CHST3: variants seen among roughly 807,000 people sequenced by gnomAD.
The protein encoded by CHST3 is C6ST-1.
Under a neutral mutation model 35.4 loss-of-function variants are expected in CHST3, and 20 were observed. The observed-to-expected ratio is 0.57, with a 90% CI of 0.40 to 0.82. CHST3 has a LOEUF of 0.82. Ranked by LOEUF, CHST3 falls within the 40% of genes least tolerant of loss-of-function variation. CHST3 has a pLI of 0.00. For missense variants in CHST3, 693 were observed against 670.1 expected (o/e 1.03, Z -0.38); for synonymous variants, 334 against 295.9 (o/e 1.13, Z -1.32).
chr10:72,008,604 G>A lies in CHST3; in HGVS notation c.*133G>A, dbSNP rs1298698322. On this transcript the variant is annotated 3_prime_UTR_variant, in exon 3 of 3. Coordinates refer to ENST00000373115, the MANE Select transcript of CHST3 (RefSeq NM_004273.5). ...TGTAGCAGTAGGGCCCCCAGCCAGC[G>A]CTCCAGCCAAAGCGGCGGCCCCAGG... The A allele has an allele frequency of 7.0e-7, 1 of 1,427,930 alleles. No individual in the cohort carries two copies. The highest frequency in any genetic ancestry group is 9.1e-7 in the Non-Finnish European group (1 of 1,093,804). 88.5% of individuals were successfully genotyped at this position (1,427,930 alleles called of 1,614,324 possible).
chr10:71,994,063 A>G (rs1251472754), intron 1 of CHST3, among the ~76,000 whole-genome samples: 1 of 151,842 alleles, frequency 6.6e-6, no homozygotes, highest in Non-Finnish European at 1.5e-5. Flanking sequence ...TCACGCCACT[A>G]TACTCCAGCC....
Position 71,968,907 on chromosome 10 carries a change from G to A in CHST3, c.-108+4213G>A, listed in dbSNP as rs117292530. On this transcript the variant is annotated intron_variant, in intron 1 of 2. Coordinates refer to ENST00000373115, the MANE Select transcript of CHST3 (RefSeq NM_004273.5). ...CAAAGCTGCCTCTTGTGACCATACC[G>A]TGAATAGGGAAGAAATTGCCAGGTA... is the stretch of plus-strand genomic sequence containing the variant. Among the ~76,000 whole-genome samples, 299 of 152,252 alleles carry A rather than the reference G, an allele frequency of 2.0e-3. 3 individuals carry two copies. In the East Asian group the frequency reaches 0.038, roughly 19 times the overall value.
At chr10:71,973,910 G>A (rs115793382) in intron 1 of CHST3, among the ~76,000 whole-genome samples, 1,605 of 152,314 alleles carry the variant, frequency 0.011, 22 homozygotes, top group African/African-American at 0.037. Context: ...GATACACGAG[G>A]AGAGACAGGC....
chr10:71,999,610 T>C (rs1839972582), intron 1 of CHST3, among the ~76,000 whole-genome samples: 2 of 152,208 alleles, frequency 1.3e-5, no homozygotes, highest in Admixed American at 1.3e-4. Context: ...TGCTGCCTGA[T>C]GCAATGTCTG....
intron 1 of CHST3, among the ~76,000 whole-genome samples, chr10:71,982,381 CCAGGCCTTTTGGCACCTTCATGTTAAGT>C (rs1839808996): frequency 6.6e-6 from 1 of 152,208 alleles, no homozygotes; most frequent in Admixed American, 6.5e-5. Flanking sequence ...CAGAAGGAAC[CCAGGCCTTTTGGCACCTTCATGTTAAGT>C]CAGTGAAACT....
intron 1 of CHST3, among the ~76,000 whole-genome samples, chr10:71,982,939 C>T (rs993767408): frequency 6.6e-6 from 1 of 152,214 alleles, no homozygotes; most frequent in African/African-American, 2.4e-5. Context: ...TGTCCGACCC[C>T]TTCTTCACTG....
chr10:71,975,727 G>T (rs1193903573), intron 1 of CHST3, among the ~76,000 whole-genome samples: 1 of 152,244 alleles, frequency 6.6e-6, no homozygotes, highest in East Asian at 1.9e-4. Context: ...AGCTTCCTTG[G>T]CCTGTCTGTG....
chr10:71,972,128 CG>C (rs777472347), intron 1 of CHST3, among the ~76,000 whole-genome samples: 2 of 152,086 alleles, frequency 1.3e-5, no homozygotes, highest in Admixed American at 1.3e-4. Flanking sequence ...GAGGTGGCTC[CG>C]GTTATTCCCA....
Position 72,007,570 on chromosome 10 carries a change from ACGC to A in CHST3, c.543_545del (p.Ala182del), listed in dbSNP as rs762274724. ...GTGTCCTTCGAGCCGGGGGGCGCCA[ACGC>A]CGCGGGCTCGGCCCTGGTGTACCGC... On this transcript the variant is annotated inframe_deletion, in exon 3 of 3. Transcript: ENST00000373115. 22 of 1,607,898 alleles carry A rather than the reference ACGC, an allele frequency of 1.4e-5. No individual in the cohort carries two copies. The highest frequency in any genetic ancestry group is 1.8e-5 in the Non-Finnish European group (21 of 1,179,786).
intron 1 of CHST3, among the ~76,000 whole-genome samples, chr10:71,986,206 A>G (rs1289790384): frequency 1.3e-5 from 2 of 152,196 alleles, no homozygotes; most frequent in Non-Finnish European, 1.5e-5. Context: ...GCTGTCTGTA[A>G]GAGCGCCAGG....
intron 1 of CHST3, among the ~76,000 whole-genome samples, chr10:71,982,285 G>C (rs376299795): frequency 5.4e-4 from 82 of 152,352 alleles, no homozygotes; most frequent in African/African-American, 1.9e-3. Context: ...ATCAGCCATT[G>C]CTGGTTTGCA....
intron 1 of CHST3, among the ~76,000 whole-genome samples, chr10:71,987,097 G>C (rs114042548): frequency 6.6e-6 from 1 of 152,150 alleles, no homozygotes; most frequent in Non-Finnish European, 1.5e-5. Context: ...CTGGCAGACC[G>C]AGTGTAGATG....
intron 1 of CHST3, among the ~76,000 whole-genome samples, chr10:71,986,485 G>A (rs1335044735): frequency 2.0e-5 from 3 of 152,228 alleles, no homozygotes; most frequent in Admixed American, 1.3e-4. Context: ...CAGAGCAATC[G>A]CAGCACTCGT....
intron 1 of CHST3, among the ~76,000 whole-genome samples, chr10:71,973,485 GC>G (rs1839715736): frequency 6.6e-6 from 1 of 152,246 alleles, no homozygotes; most frequent in African/African-American, 2.4e-5. Flanking sequence ...AGAGAAGGAA[GC>G]CCTACTGGCC....
At chr10:71,984,592 A>G (rs990354361) in intron 1 of CHST3, among the ~76,000 whole-genome samples, 1 of 152,198 alleles carries the variant, frequency 6.6e-6, no homozygotes, top group Non-Finnish European at 1.5e-5. Flanking sequence ...GACACAGAGC[A>G]TAGTGGTTGA....
At chr10:72,003,902 A>G (rs1840015077) in intron 1 of CHST3, among the ~76,000 whole-genome samples, 1 of 152,022 alleles carries the variant, frequency 6.6e-6, no homozygotes, top group African/African-American at 2.4e-5. Flanking sequence ...ATCTATTTAG[A>G]TAATAATAAT....
chr10:72,008,106 C>A lies in CHST3; in HGVS notation c.1075C>A (p.Pro359Thr). 2 of 1,544,954 alleles carry A rather than the reference C, an allele frequency of 1.3e-6. No individual in the cohort carries two copies. Among genetic ancestry groups the A allele is most frequent in the Non-Finnish European group, 1.7e-6 (2 of 1,143,850 alleles). Reference sequence around the variant, plus strand: ...GTCCGCGGAGCTGGGGCTGCGGCAGCCCGCCTGGCTGCGGGGCCGCTACAT... The same window carrying A: ...GTCCGCGGAGCTGGGGCTGCGGCAGACCGCCTGGCTGCGGGGCCGCTACAT... ...RLSAELGLRQ[P>T]AWLRGRYMLV... The change falls in exon 3 of 3, where the codon CCC becomes ACC. Residue 359 changes from proline to threonine, a missense_variant. By Grantham distance (38) the Pro-to-Thr change is conservative. Transcript: ENST00000373115.
intron 1 of CHST3, among the ~76,000 whole-genome samples, chr10:71,977,819 A>G (rs1839761290): frequency 6.6e-6 from 1 of 151,962 alleles, no homozygotes; most frequent in African/African-American, 2.4e-5. Context: ...ACAGGTGTGC[A>G]CCACCACACC....
chr10:71,995,172 C>T (rs947807740), intron 1 of CHST3, among the ~76,000 whole-genome samples: 3 of 152,130 alleles, frequency 2.0e-5, no homozygotes, highest in Admixed American at 1.3e-4. Context: ...CGCCTGTAAT[C>T]CCAGCACTTT....
Sources: allele counts gnomAD v4.1 joint callset (sites outside exome capture counted in the v4.1 genomes callset), GRCh38; gene constraint gnomAD v4.1.1; transcripts MANE v1.5; gene names NCBI Gene and HGNC (gene_info 2026-07-23, HGNC 2026-07-21).